Variants in CACNG3 observed in about 807,000 individuals in gnomAD.
CACNG3 encodes the protein calcium voltage-gated channel auxiliary subunit gamma 3, also known as voltage-dependent calcium channel gamma-3 subunit.
A neutral mutation model predicts 28.5 loss-of-function variants in CACNG3; 3 were observed. The ratio of observed to expected loss-of-function variants is 0.11; its 90% CI spans 0.05 to 0.27. The LOEUF is 0.27. CACNG3 is among the 10% of genes least tolerant of loss of function. The probability of loss-of-function intolerance (pLI) is 1.00; values close to 1 mark genes in which losing one functional copy is unlikely to be tolerated. For synonymous variants in CACNG3, 174 were observed against 162.2 expected, an observed-to-expected ratio of 1.07 and a Z score of -0.55; for missense variants, 236 against 414.4, an observed-to-expected ratio of 0.57 and a Z score of 3.74.
chr16:24,346,881 T>G, intron 2 of CACNG3, 64 bp downstream of exon 2: 2 of 1,273,236 alleles, frequency 1.6e-6, no homozygotes, highest in Non-Finnish European at 2.3e-6. Flanking sequence ...ATCACTCAGC[T>G]GCCTCTGAGT....
At chr16:24,267,255 C>T (rs775007318) in intron 1 of CACNG3, among the ~76,000 whole-genome samples, 12 of 152,064 alleles carry the variant, frequency 7.9e-5, no homozygotes, top group African/African-American at 2.4e-4. Context: ...TTTGAGCCAC[C>T]GCACCTGGCC....
At chr16:24,328,798 C>A (rs1596645004) in intron 1 of CACNG3, among the ~76,000 whole-genome samples, 1 of 152,164 alleles carries the variant, frequency 6.6e-6, no homozygotes, top group African/African-American at 2.4e-5. Flanking sequence ...CACACAGAGT[C>A]ACATCCACAG....
At chr16:24,299,951 C>A (rs993359711) in intron 1 of CACNG3, among the ~76,000 whole-genome samples, 1 of 152,066 alleles carries the variant, frequency 6.6e-6, no homozygotes, top group African/African-American at 2.4e-5. Flanking sequence ...CACACACACA[C>A]ACACACACAT....
At chr16:24,271,167 A>G (rs1294129206) in intron 1 of CACNG3, among the ~76,000 whole-genome samples, 2 of 152,244 alleles carry the variant, frequency 1.3e-5, no homozygotes, top group Admixed American at 1.3e-4. Context: ...CAACTGCACT[A>G]TTTGCTGTTT....
chr16:24,263,385 T>C (rs1435490536), intron 1 of CACNG3, among the ~76,000 whole-genome samples: 1 of 152,228 alleles, frequency 6.6e-6, no homozygotes, highest in Non-Finnish European at 1.5e-5. Flanking sequence ...AGAATTATGT[T>C]TTTAATAATT....
In CACNG3 at chr16:24,362,051, C is replaced by T; in HGVS notation, c.*188C>T. The T allele has an allele frequency of 1.8e-6, 1 of 540,886 alleles. No homozygotes were observed. The highest frequency in any genetic ancestry group is 3.2e-6 in the Non-Finnish European group (1 of 312,088). The allele number at this position is 540,886 out of a possible 1,614,324, so 33.5% of individuals were successfully genotyped here. On this transcript the variant is annotated 3_prime_UTR_variant, in exon 4 of 4. Coordinates refer to ENST00000005284, the MANE Select transcript of CACNG3 (RefSeq NM_006539.4). Reference sequence around the variant, plus strand: ...GTCCTAACCCCTCCATCCTCTCTAACTTTTCAAGCCAATCCCTTAATGTCA... The same window carrying T: ...GTCCTAACCCCTCCATCCTCTCTAATTTTTCAAGCCAATCCCTTAATGTCA...
At chr16:24,312,920 GAAGA>G (rs374395697) in intron 1 of CACNG3, among the ~76,000 whole-genome samples, 27,465 of 121,802 alleles carry the variant, frequency 0.23, 3,678 homozygotes, top group Middle Eastern at 0.31. Context: ...AGGAAGGAAG[GAAGA>G]AAGAAAGAAA....
At position 24,310,706 on chromosome 16, in the gene CACNG3, G is replaced by C. The variant is rs146103862; in HGVS notation, c.212-36028G>C. On this transcript the variant is annotated intron_variant, in intron 1 of 3. Coordinates refer to ENST00000005284, the MANE Select transcript of CACNG3 (RefSeq NM_006539.4). ...TTGTTAACCCCATTTTACAGATTAG[G>C]GAAATTGAGGCACAGAGTGGTTAAG... Among the ~76,000 whole-genome samples the C allele has an allele frequency of 4.6e-5, 7 of 152,264 alleles. 1 individual carries two copies. Among genetic ancestry groups the C allele is most frequent in the Admixed American group, 2.0e-4 (3 of 15,294 alleles).
At chr16:24,262,295 T>C (rs528961863) in intron 1 of CACNG3, among the ~76,000 whole-genome samples, 1 of 152,186 alleles carries the variant, frequency 6.6e-6, no homozygotes, top group South Asian at 2.1e-4. Flanking sequence ...GAGAGGCAGA[T>C]GGAAGAGAGA....
At chr16:24,287,255 C>T (rs1898906621) in intron 1 of CACNG3, among the ~76,000 whole-genome samples, 1 of 152,042 alleles carries the variant, frequency 6.6e-6, no homozygotes, top group African/African-American at 2.4e-5. Flanking sequence ...TGGTGACTCA[C>T]ACTTGTGATC....
At chr16:24,277,295 G>C (rs1488647673) in intron 1 of CACNG3, among the ~76,000 whole-genome samples, 1 of 152,206 alleles carries the variant, frequency 6.6e-6, no homozygotes, top group Non-Finnish European at 1.5e-5. Context: ...TAAGGCAGTA[G>C]CTCTCGACAG....
intron 1 of CACNG3, among the ~76,000 whole-genome samples, chr16:24,257,415 GA>G (rs1898478937): frequency 7.5e-6 from 1 of 134,220 alleles, no homozygotes. Flanking sequence ...GAGAGAGAGA[GA>G]GAGAGAGAGA....
At chr16:24,348,695 A>G (rs1426414371) in intron 2 of CACNG3, among the ~76,000 whole-genome samples, 1 of 152,232 alleles carries the variant, frequency 6.6e-6, no homozygotes, top group Non-Finnish European at 1.5e-5. Context: ...TAGCTTAACC[A>G]AAATTTGGGA....
At chr16:24,259,917 C>G (rs1476126513) in intron 1 of CACNG3, among the ~76,000 whole-genome samples, 2 of 152,220 alleles carry the variant, frequency 1.3e-5, no homozygotes, top group African/African-American at 4.8e-5. Flanking sequence ...GGCTCCACAA[C>G]TAGATTCCCT....
intron 1 of CACNG3, among the ~76,000 whole-genome samples, chr16:24,257,363 A>G (rs1189026625): frequency 1.9e-4 from 13 of 67,444 alleles, no homozygotes; most frequent in East Asian, 9.6e-4. Context: ...GAAAGAAGTG[A>G]GGGGGGAGAG....
chr16:24,311,107 A>G (rs1402964951), intron 1 of CACNG3, among the ~76,000 whole-genome samples: 1 of 152,210 alleles, frequency 6.6e-6, no homozygotes, highest in African/African-American at 2.4e-5. Flanking sequence ...AGCTCTACAG[A>G]TAGATCCAAG....
At chr16:24,326,245 C>T (rs543333116) in intron 1 of CACNG3, among the ~76,000 whole-genome samples, 1 of 151,440 alleles carries the variant, frequency 6.6e-6, no homozygotes, top group East Asian at 1.9e-4. Context: ...AACCTCTGCT[C>T]ACCACAACCT....
chr16:24,355,062 C>T (rs1293832362), intron 3 of CACNG3, 89 bp downstream of exon 3: 2 of 1,305,034 alleles, frequency 1.5e-6, no homozygotes, highest in Non-Finnish European at 2.1e-6. Flanking sequence ...TCAGGGCTCC[C>T]TCCAGGGAAG....
intron 1 of CACNG3, among the ~76,000 whole-genome samples, chr16:24,307,496 T>C (rs745556295): frequency 2.6e-5 from 4 of 152,124 alleles, no homozygotes; most frequent in Non-Finnish European, 5.9e-5. Context: ...TGCATCACAG[T>C]CCTTCCTCTC....
Sources: gnomAD v4.1 joint callset for allele counts (sites outside exome capture counted in the v4.1 genomes callset) on GRCh38, gnomAD v4.1.1 for gene constraint, MANE v1.5 for transcripts, NCBI Gene and HGNC (gene_info 2026-07-23, HGNC 2026-07-21) for gene names.